INSR: variants seen among roughly 807,000 people sequenced by gnomAD.
INSR encodes insulin receptor.
INSR carries 67 observed loss-of-function variants against 142.6 expected under a neutral mutation model. The ratio of observed to expected loss-of-function variants is 0.47; its 90% CI spans 0.39 to 0.58. INSR has a LOEUF of 0.58. INSR is among the 20% of genes least tolerant of loss of function. INSR has a pLI of 0.00. For synonymous variants in INSR, 756 were observed against 743.1 expected, an observed-to-expected ratio of 1.02 and a Z score of -0.28; for missense variants, 1,248 against 1,833.2, an observed-to-expected ratio of 0.68 and a Z score of 5.83.
At chr19:7,224,563 T>G (rs1006629370) in intron 2 of INSR, among the ~76,000 whole-genome samples, 1 of 152,124 alleles carries the variant, frequency 6.6e-6, no homozygotes, top group South Asian at 2.1e-4. Flanking sequence ...CCACTCCAGG[T>G]GACCAAGCCA....
chr19:7,216,760 A>T lies in INSR; in HGVS notation c.653-32123T>A, dbSNP rs4804403. Among the ~76,000 whole-genome samples, 133,464 of 152,172 alleles carry T rather than the reference A, an allele frequency of 0.88. 58,767 individuals are homozygous for T. The highest frequency in any genetic ancestry group is 0.96 in the South Asian group (4,610 of 4,824). Reference sequence around the variant, plus strand: ...GCCCAGGTGCTGGGTTTCTCACCGTATCCATTTCCCATTGCTGCTGTCACA... The same window carrying T: ...GCCCAGGTGCTGGGTTTCTCACCGTTTCCATTTCCCATTGCTGCTGTCACA... On this transcript the variant is annotated intron_variant, in intron 2 of 21. Transcript: ENST00000302850. This position sits in a 1 kb window ranked among gnomAD's most constrained non-coding sequence, Gnocchi z 4.2.
At chr19:7,210,999 G>T (rs1176061414) in intron 2 of INSR, among the ~76,000 whole-genome samples, 1 of 152,162 alleles carries the variant, frequency 6.6e-6, no homozygotes, top group African/African-American at 2.4e-5. Context: ...GGGATTACAG[G>T]TGTTGATCAA....
At chr19:7,147,854 A>G (rs1462489789) in intron 11 of INSR, among the ~76,000 whole-genome samples, 2 of 152,220 alleles carry the variant, frequency 1.3e-5, no homozygotes, top group Admixed American at 1.3e-4. Flanking sequence ...AGGCCAAATG[A>G]GTTTATATAC....
intron 1 of INSR, among the ~76,000 whole-genome samples, chr19:7,289,526 C>A (rs1306689069): frequency 6.6e-6 from 1 of 151,348 alleles, no homozygotes; most frequent in Non-Finnish European, 1.5e-5. Context: ...CTGCCTCAGC[C>A]TCCCAAGTAG....
intron 2 of INSR, among the ~76,000 whole-genome samples, chr19:7,248,787 T>G (rs111279478): frequency 8.4e-6 from 1 of 118,876 alleles, no homozygotes; most frequent in Non-Finnish European, 1.7e-5. Flanking sequence ...AGACGGAGTC[T>G]CACTCTGTTG....
At chr19:7,195,458 C>T (rs1254871204) in intron 2 of INSR, among the ~76,000 whole-genome samples, 1 of 151,918 alleles carries the variant, frequency 6.6e-6, no homozygotes, top group Non-Finnish European at 1.5e-5. Context: ...GCCTGGCCAA[C>T]ATGGTGAAAC....
chr19:7,222,927 A>G (rs1243592494), intron 2 of INSR, among the ~76,000 whole-genome samples: 1 of 152,184 alleles, frequency 6.6e-6, no homozygotes, highest in African/African-American at 2.4e-5. Flanking sequence ...TCATGCCTGT[A>G]ATGCCAGCAC....
At chr19:7,243,086 C>T (rs1475800643) in intron 2 of INSR, among the ~76,000 whole-genome samples, 2 of 151,940 alleles carry the variant, frequency 1.3e-5, no homozygotes, top group African/African-American at 4.8e-5. Flanking sequence ...AGATGGCAGA[C>T]TAAAAAAACA....
Position 7,150,713 on chromosome 19 carries a change from T to C in INSR, c.2232-181A>G, listed in dbSNP as rs1036425180. ...ACATCTTCCCCAGCAGGTGCAGGGG[T>C]CCAGCAAGGGAAGGGGAAGAAATCA... On this transcript the variant is annotated intron_variant, in intron 10 of 21. Coordinates refer to ENST00000302850, the MANE Select transcript of INSR (RefSeq NM_000208.4). The surrounding 1 kb of genome is among the most constrained non-coding windows in gnomAD (Gnocchi z 4.2). Among the ~76,000 whole-genome samples the C allele has an allele frequency of 6.6e-6, 1 of 152,082 alleles. No individual in the cohort carries two copies. The highest frequency in any genetic ancestry group is 1.5e-5 in the Non-Finnish European group (1 of 68,020).
rs533050583 is a variant in INSR at position 7,205,551 on chromosome 19, G to A, written c.653-20914C>T. Among the ~76,000 whole-genome samples the A allele has an allele frequency of 1.2e-4, 19 of 152,230 alleles. No homozygotes were observed. In the East Asian group the frequency reaches 2.9e-3, roughly 23 times the overall value. ...CTAAGATGGGGACAGTAGGAGGAGCGTGGAGAAATTCTACATTGTCCAAAT... is the reference window on the plus strand; with the variant it reads ...CTAAGATGGGGACAGTAGGAGGAGCATGGAGAAATTCTACATTGTCCAAAT... On this transcript the variant is annotated intron_variant, in intron 2 of 21. Coordinates refer to ENST00000302850, the MANE Select transcript of INSR (RefSeq NM_000208.4).
At chr19:7,204,221 A>T (rs12977461) in intron 2 of INSR, among the ~76,000 whole-genome samples, 4 of 138,864 alleles carry the variant, frequency 2.9e-5, no homozygotes, top group African/African-American at 2.6e-5. Flanking sequence ...TTTTTTTTTT[A>T]ATTTTTTATT....
intron 3 of INSR, among the ~76,000 whole-genome samples, chr19:7,180,857 G>T (rs902715910): frequency 6.6e-6 from 1 of 152,126 alleles, no homozygotes; most frequent in African/African-American, 2.4e-5. Context: ...GAGCCCTCCC[G>T]ATGAGGAGTT....
chr19:7,179,132 G>A (rs1045531513), intron 3 of INSR, among the ~76,000 whole-genome samples: 3 of 152,112 alleles, frequency 2.0e-5, no homozygotes, highest in East Asian at 1.9e-4. Flanking sequence ...GGCTGGTCTC[G>A]AACCTCTGGG....
chr19:7,167,723 C>G (rs1023070945), intron 7 of INSR, among the ~76,000 whole-genome samples: 56 of 152,244 alleles, frequency 3.7e-4, no homozygotes, highest in African/African-American at 1.3e-3. Flanking sequence ...CCCCAGGAAA[C>G]TGGCCAGTCC....
intron 2 of INSR, among the ~76,000 whole-genome samples, chr19:7,211,520 G>A (rs780601687): frequency 6.6e-5 from 10 of 152,138 alleles, no homozygotes; most frequent in Non-Finnish European, 1.0e-4. Context: ...CATTCTTAAC[G>A]ACCTGGGCCT....
chr19:7,184,660 A>G (rs573453206), intron 2 of INSR, 23 bp from the exon 3 acceptor site: 12 of 1,179,586 alleles, frequency 1.0e-5, no homozygotes, highest in African/African-American at 6.7e-5. Flanking sequence ...AGAGAGAGAG[A>G]GGGAAATAAA....
chr19:7,197,758 A>AGT (rs57922087), intron 2 of INSR, among the ~76,000 whole-genome samples: 7,164 of 57,762 alleles, frequency 0.12, 1,302 homozygotes, highest in Non-Finnish European at 0.16. Flanking sequence ...CCAGAGTGGG[A>AGT]GTGTGTGTGT....
chr19:7,185,841 C>CAAAAAAAAAAAAAAAAAAAA (rs754262409), intron 2 of INSR, among the ~76,000 whole-genome samples: 2 of 45,050 alleles, frequency 4.4e-5, no homozygotes, highest in Admixed American at 3.1e-4. Flanking sequence ...AAAATTCTGT[C>CAAAAAAAAAAAAAAAAAAAA]AAAAAAAAAA....
intron 2 of INSR, among the ~76,000 whole-genome samples, chr19:7,184,937 G>A (rs1239460550): frequency 6.6e-6 from 1 of 152,116 alleles, no homozygotes; most frequent in South Asian, 2.1e-4. Context: ...GATTTCCATG[G>A]TGTAAATATT....
Sources: allele counts gnomAD v4.1 joint callset (sites outside exome capture counted in the v4.1 genomes callset), GRCh38; gene constraint gnomAD v4.1.1; non-coding constraint Gnocchi (gnomAD v3.1); transcripts MANE v1.5; gene names NCBI Gene and HGNC (gene_info 2026-07-23, HGNC 2026-07-21).